The following COL18A1 variants were observed in gnomAD, a reference collection of about 807,000 sequenced individuals.
COL18A1 encodes the protein collagen type XVIII alpha 1 chain.
Under a neutral mutation model 168.0 loss-of-function variants are expected in COL18A1, and 133 were observed. That is an observed-to-expected ratio of 0.79 (90% CI 0.69 to 0.91). COL18A1 has a LOEUF of 0.91. Ranked by LOEUF, COL18A1 falls within the 40% of genes least tolerant of loss-of-function variation. The pLI is 0.00. For missense variants in COL18A1, 2,126 were observed against 1,925.4 expected (o/e 1.10, Z -1.95); for synonymous variants, 949 against 809.0 (o/e 1.17, Z -2.94).
In COL18A1 at chr21:45,512,767, C is replaced by T. The variant is rs886057140; in HGVS notation, c.*369C>T. The T allele has an allele frequency of 1.9e-5, 7 of 364,704 alleles. No homozygotes were observed. The East Asian group carries it at 3.5e-4, about 18-fold the overall frequency. The allele number at this position is 364,704 out of a possible 1,614,324, so 22.6% of individuals were successfully genotyped here. ...TGCTCGCCCCAGCAGGTGCTGACTT[C>T]ATCTCCCACCTAGCAGCACCGTTCT... On this transcript the variant is annotated 3_prime_UTR_variant, in exon 42 of 42. Coordinates refer to ENST00000651438, the MANE Select transcript of COL18A1 (RefSeq NM_001379500.1).
intron 37 of COL18A1, chr21:45,507,210 T>A: frequency 8.1e-6 from 1 of 123,470 alleles, no homozygotes; most frequent in Non-Finnish European, 1.4e-5. Context: ...CACCCTCCTG[T>A]GGGCTGGGAG....
chr21:45,474,371 TTGTGTGTTG>T (rs1472139168), intron 4 of COL18A1, among the ~76,000 whole-genome samples: 3 of 143,954 alleles, frequency 2.1e-5, no homozygotes, highest in African/African-American at 5.6e-5. Flanking sequence ...TGTGTCTGTC[TTGTGTGTTG>T]TGTGTGTTGT....
Position 45,455,781 on chromosome 21 carries a change from C to T in COL18A1, c.107-12461C>T, listed in dbSNP as rs759848880. 4.3e-6 allele frequency: 7 copies of T among 1,613,688 alleles called. No homozygotes were observed. In the Middle Eastern group the frequency reaches 4.9e-4, roughly 114 times the overall value. ...GCCCCTGGCAGCCCTGAGCCACCCT[C>T]AGAGCTGCTGGAAGATGGCCAGGAC... On this transcript the variant is annotated intron_variant, in intron 2 of 41. Transcript: ENST00000651438.
chr21:45,451,526 A>G (rs1207968419), intron 2 of COL18A1, among the ~76,000 whole-genome samples: 1 of 152,296 alleles, frequency 6.6e-6, no homozygotes, highest in South Asian at 2.1e-4. Flanking sequence ...GCTCTTCCCC[A>G]GCTCCTCGCT....
At chr21:45,451,215 C>T (rs563081877) in intron 2 of COL18A1, among the ~76,000 whole-genome samples, 6 of 152,324 alleles carry the variant, frequency 3.9e-5, no homozygotes, top group Admixed American at 1.3e-4. Context: ...GGCCGGCCAG[C>T]GGGGGCCATG....
chr21:45,459,064 G>C (rs2145863894), intron 2 of COL18A1, among the ~76,000 whole-genome samples: 1 of 152,314 alleles, frequency 6.6e-6, no homozygotes, highest in East Asian at 1.9e-4. Flanking sequence ...TCCCGTGCAG[G>C]GTCCTGGGGG....
Position 45,495,633 on chromosome 21 carries a change from C to G in COL18A1, c.2508+201C>G. ...GCACACGTGTGCCCAAACATGCATG[C>G]ACATATATGGCCGTACTCATACATG... On this transcript the variant is annotated intron_variant, in intron 29 of 41. Coordinates refer to ENST00000651438, the MANE Select transcript of COL18A1 (RefSeq NM_001379500.1). 3 of 593,256 alleles carry G rather than the reference C, an allele frequency of 5.1e-6. No individual in the cohort carries two copies. In the South Asian group the frequency reaches 5.4e-5, roughly 11 times the overall value. The allele number at this position is 593,256 out of a possible 1,614,324, so 36.7% of individuals were successfully genotyped here.
intron 2 of COL18A1, among the ~76,000 whole-genome samples, chr21:45,415,729 T>A (rs943808836): frequency 2.0e-5 from 3 of 152,180 alleles, no homozygotes; most frequent in African/African-American, 7.2e-5. Context: ...TTTTGGAGAA[T>A]GAGGCAAAGG....
At chr21:45,415,578 G>C (rs1490682276) in intron 2 of COL18A1, among the ~76,000 whole-genome samples, 1 of 152,244 alleles carries the variant, frequency 6.6e-6, no homozygotes. Context: ...AACCAGCGTG[G>C]TGTGGAGTTG....
At position 45,448,326 on chromosome 21, in the gene COL18A1, G is replaced by A. The variant is rs114368047; in HGVS notation, c.107-19916G>A. 5.0e-3 allele frequency among the ~76,000 whole-genome samples: 755 copies of A among 152,218 alleles called. 8 individuals are homozygous for A. Among genetic ancestry groups the A allele is most frequent in the African/African-American group, 0.017 (699 of 41,510 alleles). Reference sequence around the variant, plus strand: ...TATCCACATGCACAGGTATCCATGCGTGTGCACACAAGAATATCTACATGC... The same window carrying A: ...TATCCACATGCACAGGTATCCATGCATGTGCACACAAGAATATCTACATGC... On this transcript the variant is annotated intron_variant, in intron 2 of 41. Coordinates refer to ENST00000651438, the MANE Select transcript of COL18A1 (RefSeq NM_001379500.1).
chr21:45,456,712 C>A (rs1261184299), intron 2 of COL18A1: 13 of 1,532,778 alleles, frequency 8.5e-6, no homozygotes, highest in South Asian at 2.4e-5. Flanking sequence ...TGCTGCTGGT[C>A]CCCCCATGCG....
chr21:45,476,509 T>C (rs2035660991), intron 6 of COL18A1, 29 bp downstream of exon 6: 1 of 1,573,194 alleles, frequency 6.4e-7, no homozygotes, highest in Non-Finnish European at 8.6e-7. Flanking sequence ...GTGGTGTGTG[T>C]GTGGTGTGGG....
At chr21:45,460,203 G>A (rs2034996065) in intron 2 of COL18A1, among the ~76,000 whole-genome samples, 1 of 152,246 alleles carries the variant, frequency 6.6e-6, no homozygotes, top group African/African-American at 2.4e-5. Context: ...CAAGCTCCCA[G>A]CCGGGGAGCA....
chr21:45,509,621 G>A lies in COL18A1; in HGVS notation c.3495+20G>A, dbSNP rs1220663311. 1.3e-5 allele frequency: 17 copies of A among 1,348,216 alleles called. No homozygotes were observed. Among genetic ancestry groups the A allele is most frequent in the Non-Finnish European group, 1.7e-5 (17 of 975,300 alleles). 83.5% of individuals were successfully genotyped at this position (1,348,216 alleles called of 1,614,324 possible). ...CCGGTGGTGAGTGCCCCCCCAAAGTGGGCTTGGCTCCATCTAGCCCCTCGG... is the reference window on the plus strand; with the variant it reads ...CCGGTGGTGAGTGCCCCCCCAAAGTAGGCTTGGCTCCATCTAGCCCCTCGG... On this transcript the variant is annotated intron_variant, in intron 39 of 41. Transcript: ENST00000651438.
rs769770126 is a variant in COL18A1 at position 45,486,209 on chromosome 21, G to C, written c.1702-652G>C. Among the ~76,000 whole-genome samples, 5 of 152,216 alleles carry C rather than the reference G, an allele frequency of 3.3e-5. 1 individual carries two copies. The South Asian group carries it at 1.0e-3, about 32-fold the overall frequency. On this transcript the variant is annotated intron_variant, in intron 15 of 41. Transcript: ENST00000651438. ...AATGCCTGTGTCTACCCTAGCCCCA[G>C]TGGTCCCAGGGTCCTGAGCCTCCTC... is the stretch of plus-strand genomic sequence containing the variant.
intron 2 of COL18A1, among the ~76,000 whole-genome samples, chr21:45,461,230 C>T (rs990939976): frequency 6.6e-6 from 1 of 152,116 alleles, no homozygotes; most frequent in Admixed American, 6.5e-5. Flanking sequence ...GTGGGCTGGC[C>T]TCGGCTGTGC....
intron 37 of COL18A1, 177 bp downstream of exon 37, chr21:45,506,143 G>C (rs1017967741): frequency 2.1e-6 from 2 of 948,954 alleles, no homozygotes; most frequent in Admixed American, 4.5e-5. Context: ...GAGCAGTTTT[G>C]GGTTTAAAGA....
Position 45,473,779 on chromosome 21 carries a change from C to T in COL18A1, c.652-116C>T, listed in dbSNP as rs1320464363. 3.5e-6 allele frequency: 3 copies of T among 856,114 alleles called. No homozygotes were observed. Among genetic ancestry groups the T allele is most frequent in the Non-Finnish European group, 5.7e-6 (3 of 524,506 alleles). 53.0% of individuals were successfully genotyped at this position (856,114 alleles called of 1,614,324 possible). A position where few individuals can be genotyped will look rare whatever the true frequency, so the allele number is the denominator to read the frequency against. On this transcript the variant is annotated intron_variant, in intron 3 of 41. Coordinates refer to ENST00000651438, the MANE Select transcript of COL18A1 (RefSeq NM_001379500.1). This position sits in a 1 kb window ranked among gnomAD's most constrained non-coding sequence, Gnocchi z 4.0. ...AGGGAGGCTGCCCGAGACCCCTTCC[C>T]TCTCCGAGACTCTCCTGCCCTTTGT...
At chr21:45,475,778 G>A (rs924062950) in intron 5 of COL18A1, among the ~76,000 whole-genome samples, 3 of 152,248 alleles carry the variant, frequency 2.0e-5, no homozygotes, top group African/African-American at 7.2e-5. Context: ...CCTTTAAAAC[G>A]AGGTCCTGCC....
Sources: allele counts gnomAD v4.1 joint callset (sites outside exome capture counted in the v4.1 genomes callset), GRCh38; gene constraint gnomAD v4.1.1; non-coding constraint Gnocchi (gnomAD v3.1); transcripts MANE v1.5; gene names NCBI Gene and HGNC (gene_info 2026-07-23, HGNC 2026-07-21).